Variants in FAT2 observed in about 807,000 individuals in gnomAD.
FAT2 encodes the protein protocadherin Fat 2.
Under a neutral mutation model 295.3 loss-of-function variants are expected in FAT2, and 150 were observed. The ratio of observed to expected loss-of-function variants is 0.51; its 90% CI spans 0.44 to 0.58. The LOEUF (loss-of-function observed/expected upper bound fraction) is 0.58. FAT2 is among the 20% of genes least tolerant of loss of function. The probability of loss-of-function intolerance (pLI) is 0.00; values close to 1 mark genes in which losing one functional copy is unlikely to be tolerated. For synonymous variants in FAT2, 2,026 were observed against 2,150.3 expected (o/e 0.94, Z 1.60); for missense variants, 4,868 against 5,442.7 (o/e 0.89, Z 3.32).
rs559271363 is a variant in FAT2, at chr5:151,551,524, C to A, written c.4239G>T (p.Arg1413Ser). The change falls in exon 7 of 24, where the codon AGG (arginine) becomes AGT (serine). Residue 1413 changes from arginine (R) to serine (S), a missense_variant. Coordinates refer to ENST00000261800, the MANE Select transcript of FAT2 (RefSeq NM_001447.3). ...VIARPLDTRR[R>S]SNYNLTVEVT... ...CCTCAACAGTCAAGTTATAGTTCGA[C>A]CTTCTCCTGGTATCAAGAGGCCTGG... The A allele has an allele frequency of 6.8e-6, 11 of 1,614,218 alleles. No individual in the cohort carries two copies. Among genetic ancestry groups the A allele is most frequent in the South Asian group, 6.6e-5 (6 of 91,090 alleles).
intron 12 of FAT2, 43 bp from the exon 13 acceptor site, chr5:151,534,685 T>A: frequency 1.9e-6 from 3 of 1,541,832 alleles, no homozygotes; most frequent in Non-Finnish European, 1.8e-6. Context: ...TCTGGGGAAA[T>A]ATTACCCAAG....
rs1423048699 is a variant in FAT2 at position 151,512,426 on chromosome 5, A to G, written c.11644T>C (p.Cys3882Arg). Residue 3882 changes from cysteine (C) to arginine (R), a missense_variant, in exon 21 of 24, where the codon TGC becomes CGC. Cys to Arg is a radical substitution (Grantham distance 180). This residue lies in a region of FAT2 where 1,046 missense variants were observed against 1,210.1 expected (regional missense o/e 0.86). Transcript: ENST00000261800. The surrounding 1 kb of genome is among the most constrained non-coding windows in gnomAD (Gnocchi z 4.1). ...GNTSLVVPEN[C>R]RGLRPERHLL... ...TGCCTTTCGGGCCTCAGACCACGGC[A>G]GTTCTCTGGGACCACAAGGGAGGTG... The G allele has an allele frequency of 6.2e-7, 1 of 1,614,258 alleles. No homozygotes were observed. Among genetic ancestry groups the G allele is most frequent in the African/African-American group, 1.3e-5 (1 of 75,076 alleles).
chr5:151,516,741 G>A (rs1176163504), intron 20 of FAT2, among the ~76,000 whole-genome samples: 1 of 152,134 alleles, frequency 6.6e-6, no homozygotes, highest in African/African-American at 2.4e-5. Context: ...CTGTCACATA[G>A]TAGATGCTCA....
At chr5:151,538,012 A>G (rs1194126797) in intron 11 of FAT2, 66 bp from the exon 12 acceptor site, 67 of 1,464,540 alleles carry the variant, frequency 4.6e-5, no homozygotes, top group Non-Finnish European at 6.1e-5. Flanking sequence ...AGAGAAGCAG[A>G]GTGACTGACT....
At chr5:151,586,023 G>A (rs560051909) in intron 1 of FAT2, among the ~76,000 whole-genome samples, 1 of 152,204 alleles carries the variant, frequency 6.6e-6, no homozygotes, top group South Asian at 2.1e-4. Context: ...CAGAGCTCAC[G>A]TGCCATACTG....
chr5:151,567,916 C>T lies in FAT2; in HGVS notation c.1016G>A (p.Ser339Asn). 1.2e-6 allele frequency: 2 copies of T among 1,614,160 alleles called. No homozygotes were observed. The highest frequency in any genetic ancestry group is 2.2e-5 in the South Asian group (2 of 91,080). ...FNLSLQARSG[S>N]GPYFYSQIRG... ...GATCTGGGAATAAAAATAAGGGCCG[C>T]TCCCACTCCTGGCCTGGAGGCTGAG... The change falls in exon 2 of 24, where the codon AGC (serine) becomes AAC (asparagine). Residue 339 changes from serine (S) to asparagine (N), a missense_variant. Ser to Asn is a conservative substitution (Grantham distance 46). Around this residue, in one of 5 missense-constraint regions of FAT2, gnomAD observed 3,297 missense variants for 3,669.4 expected, o/e 0.90. Coordinates refer to ENST00000261800, the MANE Select transcript of FAT2 (RefSeq NM_001447.3).
At chr5:151,509,405 C>T (rs1761140906) in intron 22 of FAT2, 1 of 152,364 alleles carries the variant, frequency 6.6e-6, no homozygotes, top group Non-Finnish European at 1.5e-5. Context: ...ACCCCTGGGT[C>T]ACGGACCCAT....
intron 11 of FAT2, 71 bp downstream of exon 11, chr5:151,540,496 T>G: frequency 7.0e-7 from 1 of 1,429,030 alleles, no homozygotes; most frequent in Non-Finnish European, 9.6e-7. Context: ...CTCCTCACTC[T>G]CTGTTCTCCC....
At position 151,565,994 on chromosome 5, in the gene FAT2, C is replaced by T. The variant is rs1281246706; in HGVS notation, c.2938G>A (p.Ala980Thr). 1 of 1,614,130 alleles carries T rather than the reference C, an allele frequency of 6.2e-7. No homozygotes were observed. The highest frequency in any genetic ancestry group is 1.1e-5 in the South Asian group (1 of 91,072). ...GTFRVDLMTG[A>T]LILERELDFE... The stretch of plus-strand genomic sequence containing the variant: ...TCCAGCTCTCTCTCCAGAATGAGCG[C>T]CCCTGTCATCAGGTCCACCCGGAAG... Residue 980 changes from alanine (A) to threonine (T), a missense_variant, in exon 2 of 24, where the codon GCG becomes ACG. By Grantham distance (58) the Ala-to-Thr change is moderately conservative. Transcript: ENST00000261800.
chr5:151,507,703 C>A (rs1761006680), intron 22 of FAT2, 92 bp from the exon 23 acceptor site: 2 of 1,200,180 alleles, frequency 1.7e-6, no homozygotes, highest in Non-Finnish European at 2.3e-6. Context: ...GACTGCTCCC[C>A]CCAAAACCTA....
At chr5:151,584,958 T>C (rs1759114334) in intron 1 of FAT2, among the ~76,000 whole-genome samples, 1 of 152,180 alleles carries the variant, frequency 6.6e-6, no homozygotes, top group Admixed American at 6.5e-5. Context: ...AGGATGGGGC[T>C]AAGTAATTTG....
upstream of FAT2, among the ~76,000 whole-genome samples, chr5:151,594,461 A>G (rs1342485287): frequency 6.6e-6 from 1 of 152,214 alleles, no homozygotes; most frequent in African/African-American, 2.4e-5. Flanking sequence ...CCCAGGCATC[A>G]GTATTCATAA....
intron 9 of FAT2, among the ~76,000 whole-genome samples, chr5:151,546,771 T>C (rs886338973): frequency 1.2e-4 from 18 of 152,024 alleles, no homozygotes; most frequent in Admixed American, 1.3e-4. Flanking sequence ...CAGGCTGGAA[T>C]GTAGTGATGT....
intron 1 of FAT2, among the ~76,000 whole-genome samples, chr5:151,590,726 C>A (rs142482605): frequency 9.0e-4 from 137 of 152,320 alleles, no homozygotes; most frequent in African/African-American, 3.1e-3. Context: ...TGGACACACA[C>A]AAGAAGCCAG....
At chr5:151,582,686 A>G (rs986825851) in intron 1 of FAT2, among the ~76,000 whole-genome samples, 1 of 152,192 alleles carries the variant, frequency 6.6e-6, no homozygotes, top group Non-Finnish European at 1.5e-5. Flanking sequence ...GGGATGGAGG[A>G]CATCAGGAAA....
intron 1 of FAT2, among the ~76,000 whole-genome samples, chr5:151,585,280 T>C (rs1759126018): frequency 6.6e-6 from 1 of 152,230 alleles, no homozygotes; most frequent in Non-Finnish European, 1.5e-5. Context: ...GTCTGCTTTT[T>C]GTGCCAGTTA....
intron 1 of FAT2, among the ~76,000 whole-genome samples, chr5:151,590,825 G>A (rs978978939): frequency 6.6e-6 from 1 of 152,206 alleles, no homozygotes; most frequent in Non-Finnish European, 1.5e-5. Flanking sequence ...TCTCCAGAAA[G>A]CCCAAGTGGG....
rs942375731 is a variant in FAT2 at position 151,591,249 on chromosome 5, T to C, written c.-105A>G. 2.0e-5 allele frequency among the ~76,000 whole-genome samples: 3 copies of C among 152,178 alleles called. No individual in the cohort carries two copies. Among genetic ancestry groups the C allele is most frequent in the African/African-American group, 7.2e-5 (3 of 41,446 alleles). ...CACGAGGGCCAGGCTGACAGGCTCC[T>C]GAGGGAGGTGCAGAGACTCGGAGCA... is the stretch of plus-strand genomic sequence containing the variant. On this transcript the variant is annotated 5_prime_UTR_variant, in exon 1 of 24. Transcript: ENST00000261800.
chr5:151,584,107 A>G (rs1235680676), intron 1 of FAT2, among the ~76,000 whole-genome samples: 1 of 151,894 alleles, frequency 6.6e-6, no homozygotes, highest in African/African-American at 2.4e-5. Context: ...CGTTTGGACT[A>G]CCTGCAAATT....
Sources: gnomAD v4.1 joint callset for allele counts (sites outside exome capture counted in the v4.1 genomes callset) on GRCh38, gnomAD v4.1.1 for gene constraint, gnomAD v4.1.1 regional missense constraint, Gnocchi (gnomAD v3.1) non-coding constraint, MANE v1.5 for transcripts, NCBI Gene and HGNC (gene_info 2026-07-23, HGNC 2026-07-21) for gene names.